Variants in FARP1 observed in about 807,000 individuals in gnomAD.
FARP1 encodes FERM, ARH/RhoGEF and pleckstrin domain protein 1, also known as FERM, ARHGEF and pleckstrin domain-containing protein 1.
In FARP1, 52 loss-of-function variants were observed where a neutral mutation model predicts 128.8. The ratio of observed to expected loss-of-function variants is 0.40; its 90% CI spans 0.32 to 0.51. The LOEUF is 0.51. Ranked by LOEUF, FARP1 falls within the 20% of genes least tolerant of loss-of-function variation. FARP1 has a pLI of 0.45. For missense variants in FARP1, 1,333 were observed against 1,367.9 expected, an observed-to-expected ratio of 0.97 and a Z score of 0.40; for synonymous variants, 580 against 551.8, an observed-to-expected ratio of 1.05 and a Z score of -0.72.
chr13:98,373,357 G>T (rs1029148001), intron 5 of FARP1, among the ~76,000 whole-genome samples: 4 of 152,084 alleles, frequency 2.6e-5, no homozygotes, highest in African/African-American at 9.7e-5. Context: ...AAAACATGAA[G>T]CCCTCCTATT....
intron 1 of FARP1, among the ~76,000 whole-genome samples, chr13:98,197,516 A>C (rs116939284): frequency 6.6e-6 from 1 of 152,174 alleles, no homozygotes; most frequent in Non-Finnish European, 1.5e-5. Flanking sequence ...TCTGTGGATG[A>C]TAACACAGGA....
intron 18 of FARP1, 122 bp from the exon 19 acceptor site, chr13:98,435,454 G>A (rs1892217316): frequency 1.1e-6 from 1 of 938,672 alleles, no homozygotes; most frequent in East Asian, 2.7e-5. Context: ...TTGCTCAAAA[G>A]ACACCTTTGA....
intron 17 of FARP1, among the ~76,000 whole-genome samples, chr13:98,424,893 GT>G (rs10700673): frequency 7.2e-4 from 106 of 147,472 alleles, no homozygotes; most frequent in East Asian, 4.0e-3. Context: ...TGATTTTGGG[GT>G]TTTTTTTTTT....
At chr13:98,201,088 A>G (rs1239037195) in intron 1 of FARP1, among the ~76,000 whole-genome samples, 1 of 152,202 alleles carries the variant, frequency 6.6e-6, no homozygotes, top group Non-Finnish European at 1.5e-5. Flanking sequence ...ATTGTTAACT[A>G]TAATTTCCCT....
intron 2 of FARP1, among the ~76,000 whole-genome samples, chr13:98,224,542 A>G (rs1412925062): frequency 2.6e-4 from 8 of 30,840 alleles, no homozygotes; most frequent in African/African-American, 1.8e-4. Flanking sequence ...AAAAAAAAAA[A>G]AAAGAAAAAA....
chr13:98,302,811 T>C (rs1885978453), intron 2 of FARP1, among the ~76,000 whole-genome samples: 1 of 152,174 alleles, frequency 6.6e-6, no homozygotes, highest in Non-Finnish European at 1.5e-5. Context: ...TATCTGCAGC[T>C]GTGGGTGCTT....
intron 3 of FARP1, among the ~76,000 whole-genome samples, chr13:98,348,243 C>G (rs184175227): frequency 9.2e-5 from 14 of 152,226 alleles, no homozygotes; most frequent in South Asian, 2.1e-4. Flanking sequence ...TGGCTCTTGT[C>G]CTGCTCTTGC....
chr13:98,246,645 A>T (rs1444076448), intron 2 of FARP1, among the ~76,000 whole-genome samples: 6 of 152,092 alleles, frequency 3.9e-5, no homozygotes, highest in Non-Finnish European at 7.4e-5. Context: ...TAAAAAGCTC[A>T]AAGTTCTTAG....
At chr13:98,199,684 G>C (rs901018681) in intron 1 of FARP1, among the ~76,000 whole-genome samples, 9 of 152,198 alleles carry the variant, frequency 5.9e-5, no homozygotes, top group African/African-American at 2.2e-4. Context: ...GTGAGTGGAA[G>C]AGAATGATGT....
intron 16 of FARP1, among the ~76,000 whole-genome samples, chr13:98,415,352 T>C (rs1273608890): frequency 1.3e-5 from 2 of 152,214 alleles, no homozygotes; most frequent in African/African-American, 4.8e-5. Context: ...GTGCTAACAG[T>C]CTATGATTCC....
intron 1 of FARP1, among the ~76,000 whole-genome samples, chr13:98,167,744 A>G (rs1359609251): frequency 1.3e-5 from 2 of 152,234 alleles, no homozygotes; most frequent in Non-Finnish European, 2.9e-5. Context: ...GTTGTCTTCT[A>G]GAACTTTATG....
intron 2 of FARP1, chr13:98,332,688 A>G (rs1887561654): frequency 6.6e-6 from 1 of 152,184 alleles, no homozygotes; most frequent in South Asian, 2.1e-4. Context: ...CCATTCTCCC[A>G]ACTGACTATT....
At chr13:98,182,106 C>A (rs2139205384) in intron 1 of FARP1, among the ~76,000 whole-genome samples, 1 of 152,030 alleles carries the variant, frequency 6.6e-6, no homozygotes, top group East Asian at 1.9e-4. Context: ...ACCTATGCTC[C>A]CCCTCTTTCC....
chr13:98,223,805 T>G (rs530884840), intron 2 of FARP1, among the ~76,000 whole-genome samples: 1 of 152,290 alleles, frequency 6.6e-6, no homozygotes, highest in South Asian at 2.1e-4. Context: ...TTTCCTCATC[T>G]CCCCAGAAGC....
intron 17 of FARP1, among the ~76,000 whole-genome samples, chr13:98,430,082 TAAATA>T (rs1891951893): frequency 6.6e-6 from 1 of 151,978 alleles, no homozygotes; most frequent in Non-Finnish European, 1.5e-5. Context: ...TCTCTAAAAA[TAAATA>T]AATAATTTTT....
At chr13:98,144,482 G>A (rs762075307) in intron 1 of FARP1, among the ~76,000 whole-genome samples, 2 of 152,106 alleles carry the variant, frequency 1.3e-5, no homozygotes, top group Non-Finnish European at 2.9e-5. Flanking sequence ...GCCTCTGGCC[G>A]TTTCATTATA....
chr13:98,208,328 A>C (rs1880425724), intron 1 of FARP1, among the ~76,000 whole-genome samples: 1 of 148,806 alleles, frequency 6.7e-6, no homozygotes, highest in Non-Finnish European at 1.5e-5. Flanking sequence ...AAAAAAAAAA[A>C]AAAGCCGGGC....
chr13:98,228,453 A>G (rs530056237), intron 2 of FARP1, among the ~76,000 whole-genome samples: 1 of 152,284 alleles, frequency 6.6e-6, no homozygotes, highest in East Asian at 1.9e-4. Flanking sequence ...AATGCCACAG[A>G]GCAGCAATGT....
In FARP1 at chr13:98,365,255, G is replaced by A. The variant is rs1257367952; in HGVS notation, c.277-140G>A. On this transcript the variant is annotated intron_variant, in intron 3 of 26. Transcript: ENST00000319562. ...AAAGTGGTAGACAACGTAAGATACG[G>A]CATTCTGGAGAAAAATGGAACAGGC... is the stretch of plus-strand genomic sequence containing the variant. 5 of 613,828 alleles carry A rather than the reference G, an allele frequency of 8.1e-6. No homozygotes were observed. In the East Asian group the frequency reaches 1.3e-4, roughly 16 times the overall value. 38.0% of individuals were successfully genotyped at this position (613,828 alleles called of 1,614,324 possible).
Sources: allele counts gnomAD v4.1 joint callset (sites outside exome capture counted in the v4.1 genomes callset), GRCh38; gene constraint gnomAD v4.1.1; transcripts MANE v1.5; gene names NCBI Gene and HGNC (gene_info 2026-07-23, HGNC 2026-07-21).